DGLUCY: variants seen among roughly 807,000 people sequenced by gnomAD.
The protein encoded by DGLUCY is D-glutamate cyclase, mitochondrial.
In DGLUCY, 58 loss-of-function variants were observed where a neutral mutation model predicts 58.5. The ratio of observed to expected loss-of-function variants is 0.99; its 90% CI spans 0.80 to 1.23. DGLUCY has a LOEUF of 1.23. DGLUCY is among the 50% of genes most tolerant of loss of function. DGLUCY has a pLI of 0.00. For missense variants in DGLUCY, 779 were observed against 784.7 expected (o/e 0.99, Z 0.09); for synonymous variants, 325 against 314.1 (o/e 1.03, Z -0.37).
At chr14:91,166,651 C>T (rs962757530) in intron 3 of DGLUCY, among the ~76,000 whole-genome samples, 2 of 149,540 alleles carry the variant, frequency 1.3e-5, no homozygotes, top group African/African-American at 4.9e-5. Context: ...GGTGACAAAG[C>T]GAGACTCTGT....
chr14:91,169,992 T>C lies in DGLUCY; in HGVS notation c.258-11T>C, dbSNP rs750444855. On this transcript the variant is annotated splice_polypyrimidine_tract_variant and intron_variant, in intron 4 of 13. Transcript: ENST00000256324. ...TCTGGGGCCCTCCCAGCTTTCCCCT[T>C]ATGTCCCCAGGATGGGCCATCCCCA... 4 of 1,611,702 alleles carry C rather than the reference T, an allele frequency of 2.5e-6. No homozygotes were observed. The South Asian group carries it at 4.4e-5, about 18-fold the overall frequency.
At chr14:91,108,994 T>C (rs1195870970) in intron 1 of DGLUCY, among the ~76,000 whole-genome samples, 2 of 151,902 alleles carry the variant, frequency 1.3e-5, no homozygotes, top group Non-Finnish European at 2.9e-5. Flanking sequence ...ACAGGGGGTA[T>C]GGGAAGGAAA....
intron 3 of DGLUCY, among the ~76,000 whole-genome samples, chr14:91,166,729 G>T (rs1397464880): frequency 6.6e-6 from 1 of 152,112 alleles, no homozygotes; most frequent in Non-Finnish European, 1.5e-5. Flanking sequence ...CAGCTACTTG[G>T]CAGGCTGAAG....
chr14:91,074,388 A>G (rs1429169726), intron 1 of DGLUCY, among the ~76,000 whole-genome samples: 2 of 150,850 alleles, frequency 1.3e-5, no homozygotes, highest in Admixed American at 1.3e-4. Flanking sequence ...CTGAGGTGGG[A>G]GGATCACTTG....
intron 1 of DGLUCY, among the ~76,000 whole-genome samples, chr14:91,122,834 C>A (rs1206276157): frequency 1.3e-5 from 2 of 151,978 alleles, no homozygotes; most frequent in African/African-American, 2.4e-5. Context: ...GTCTCAAACT[C>A]CTGACCTTGT....
intron 1 of DGLUCY, among the ~76,000 whole-genome samples, chr14:91,128,542 G>A (rs988051157): frequency 6.6e-6 from 1 of 151,982 alleles, no homozygotes; most frequent in Non-Finnish European, 1.5e-5. Context: ...GATCCAGAAA[G>A]GGGATTGTAT....
rs116128791 is a variant in DGLUCY, at chr14:91,093,552, T to C, written c.-82+32848T>C. Among the ~76,000 whole-genome samples, 467 of 152,114 alleles carry C rather than the reference T, an allele frequency of 3.1e-3. 5 individuals are homozygous for C. Among genetic ancestry groups the C allele is most frequent in the African/African-American group, 0.011 (451 of 41,506 alleles). ...ATCCCAGCACTTTGGGAAGCCAAAG[T>C]GGGTGGATTGCTTGAGGCCAAGGTG... On this transcript the variant is annotated intron_variant, in intron 1 of 4. Coordinates refer to the DGLUCY transcript ENST00000521334.
intron 12 of DGLUCY, among the ~76,000 whole-genome samples, chr14:91,206,234 G>T (rs1237062655): frequency 1.3e-5 from 2 of 152,106 alleles, no homozygotes; most frequent in East Asian, 1.9e-4. Context: ...CACGTAAGGG[G>T]GAGAGGACAA....
intron 8 of DGLUCY, among the ~76,000 whole-genome samples, chr14:91,187,754 G>A (rs936536297): frequency 6.6e-6 from 1 of 152,178 alleles, no homozygotes. Flanking sequence ...CCAGTCTCCT[G>A]TCCTCCGAGG....
intron 8 of DGLUCY, among the ~76,000 whole-genome samples, chr14:91,183,644 A>G (rs1638365485): frequency 6.6e-6 from 1 of 152,194 alleles, no homozygotes; most frequent in Non-Finnish European, 1.5e-5. Flanking sequence ...AAATTCTCCC[A>G]GTGACTCTAC....
intron 10 of DGLUCY, among the ~76,000 whole-genome samples, chr14:91,196,995 CTT>C (rs1344619519): frequency 6.6e-6 from 1 of 152,088 alleles, no homozygotes; most frequent in Non-Finnish European, 1.5e-5. Context: ...GGGATGGAGT[CTT>C]TATCTGTTGC....
chr14:91,079,033 A>G (rs945662863), intron 1 of DGLUCY, among the ~76,000 whole-genome samples: 1 of 151,846 alleles, frequency 6.6e-6, no homozygotes, highest in Non-Finnish European at 1.5e-5. Flanking sequence ...CCTCCCGAGT[A>G]GCTGGAACTA....
Position 91,175,997 on chromosome 14 carries a change from G to C in DGLUCY, c.671G>C (p.Gly224Ala). The C allele has an allele frequency of 6.2e-7, 1 of 1,614,048 alleles. No individual in the cohort carries two copies. Among genetic ancestry groups the C allele is most frequent in the African/African-American group, 1.3e-5 (1 of 75,006 alleles). ...AYGDAMVCPP[G>A]EVPVFWPSPL... ...GGGGATGCCATGGTGTGTCCCCCAG[G>C]GGAGGTTCCAGTGTTCTGGCCTTCT... Residue 224 changes from glycine to alanine, a missense_variant, in exon 7 of 14, where the codon GGG becomes GCG. Transcript: ENST00000256324.
intron 1 of DGLUCY, among the ~76,000 whole-genome samples, chr14:91,136,902 G>C (rs946208623): frequency 2.5e-4 from 38 of 152,158 alleles, no homozygotes; most frequent in African/African-American, 8.9e-4. Context: ...CCGGGAGGTG[G>C]AGGTTGCGGT....
intron 1 of DGLUCY, among the ~76,000 whole-genome samples, chr14:91,079,250 G>C (rs1307137810): frequency 2.0e-5 from 3 of 151,884 alleles, no homozygotes; most frequent in African/African-American, 7.2e-5. Flanking sequence ...GAATCATTCT[G>C]AGCGCAATAT....
rs1041074311 is a variant in DGLUCY, at chr14:91,181,319, C to T, written c.864C>T (p.His288=). The T allele has an allele frequency of 6.2e-7, 1 of 1,614,096 alleles. No individual in the cohort carries two copies. The highest frequency in any genetic ancestry group is 8.5e-7 in the Non-Finnish European group (1 of 1,180,052). Residue 288 remains histidine, a synonymous_variant, in exon 8 of 14, where the codon CAC becomes CAT. Coordinates refer to ENST00000256324, the MANE Select transcript of DGLUCY (RefSeq NM_001102368.3). ...EVHHISQDPL[H]YSIASVSASQ... ...ATCACATTTCCCAAGATCCTCTGCA[C>T]TACAGCATCGCGTCAGTCTCTGCTT...
chr14:91,101,582 T>C (rs762411159), intron 1 of DGLUCY, among the ~76,000 whole-genome samples: 1 of 152,212 alleles, frequency 6.6e-6, no homozygotes, highest in Non-Finnish European at 1.5e-5. Flanking sequence ...ACCCTAACAC[T>C]TCAGGGATGT....
At chr14:91,171,303 C>T (rs552634779) in intron 5 of DGLUCY, among the ~76,000 whole-genome samples, 3 of 152,360 alleles carry the variant, frequency 2.0e-5, no homozygotes, top group African/African-American at 7.2e-5. Context: ...TGATGCTTTG[C>T]AGTCACAGGG....
intron 9 of DGLUCY, among the ~76,000 whole-genome samples, chr14:91,193,141 G>T (rs1258324769): frequency 2.0e-5 from 3 of 152,182 alleles, no homozygotes; most frequent in African/African-American, 7.2e-5. Flanking sequence ...AACAGCCAGC[G>T]AGGGAGACGA....
Sources: gnomAD v4.1 joint callset for allele counts (sites outside exome capture counted in the v4.1 genomes callset) on GRCh38, gnomAD v4.1.1 for gene constraint, MANE v1.5 for transcripts, NCBI Gene and HGNC (gene_info 2026-07-23, HGNC 2026-07-21) for gene names.